Variants in NXPH1 observed in about 807,000 individuals in gnomAD.
The protein encoded by NXPH1 is neurexophilin-1.
Under a neutral mutation model 23.7 loss-of-function variants are expected in NXPH1, and 5 were observed. The observed-to-expected ratio is 0.21, with a 90% CI of 0.11 to 0.44. The LOEUF (loss-of-function observed/expected upper bound fraction) is 0.44, where lower values mean the gene tolerates loss of function less well. NXPH1 is among the 20% of genes least tolerant of loss of function. The pLI, the probability that NXPH1 is intolerant of heterozygous loss-of-function variation, is 0.99. For missense variants in NXPH1, 324 were observed against 321.6 expected, an observed-to-expected ratio of 1.01 and a Z score of -0.06; for synonymous variants, 144 against 122.2, an observed-to-expected ratio of 1.18 and a Z score of -1.18.
At chr7:8,458,353 C>T (rs960041414) in intron 2 of NXPH1, among the ~76,000 whole-genome samples, 4 of 152,196 alleles carry the variant, frequency 2.6e-5, no homozygotes, top group African/African-American at 9.7e-5. Flanking sequence ...TTGATATATA[C>T]TGGACCATAA....
intron 2 of NXPH1, among the ~76,000 whole-genome samples, chr7:8,734,609 C>G (rs1199242088): frequency 1.3e-5 from 2 of 152,058 alleles, no homozygotes; most frequent in Admixed American, 1.3e-4. Flanking sequence ...GTTTTACTTT[C>G]AAGTATGTGG....
chr7:8,636,561 T>TCAATTCCAGTGGAATGC (rs1820221670), intron 2 of NXPH1, among the ~76,000 whole-genome samples: 5 of 152,320 alleles, frequency 3.3e-5, no homozygotes, highest in South Asian at 4.1e-4. Flanking sequence ...GCAAATTGAT[T>TCAATTCCAGTGGAATGC]CAATTCCAGT....
At chr7:8,522,187 T>C (rs544106100) in intron 2 of NXPH1, among the ~76,000 whole-genome samples, 1 of 152,282 alleles carries the variant, frequency 6.6e-6, no homozygotes, top group South Asian at 2.1e-4. Context: ...GCAAGACAAG[T>C]TACAATTGAA....
chr7:8,717,911 TACACAAC>T (rs1779904299), intron 2 of NXPH1, among the ~76,000 whole-genome samples: 1 of 150,974 alleles, frequency 6.6e-6, no homozygotes, highest in Non-Finnish European at 1.5e-5. Flanking sequence ...TATATATATA[TACACAAC>T]ATGTAGATAT....
intron 2 of NXPH1, among the ~76,000 whole-genome samples, chr7:8,663,484 C>T (rs1238549992): frequency 6.6e-6 from 1 of 152,060 alleles, no homozygotes; most frequent in Non-Finnish European, 1.5e-5. Context: ...GCATTTTCAT[C>T]TAAAATTAAC....
chr7:8,685,079 T>G (rs1435820143), intron 2 of NXPH1, among the ~76,000 whole-genome samples: 1 of 152,194 alleles, frequency 6.6e-6, no homozygotes, highest in East Asian at 1.9e-4. Context: ...GCCAGTGGTC[T>G]TGGCTTCTGT....
chr7:8,694,272 C>T (rs1271176103), intron 2 of NXPH1, among the ~76,000 whole-genome samples: 1 of 152,164 alleles, frequency 6.6e-6, no homozygotes, highest in Non-Finnish European at 1.5e-5. Context: ...GATTCAGATG[C>T]CCCTATGTGC....
chr7:8,712,539 A>C (rs1779813188), intron 2 of NXPH1, among the ~76,000 whole-genome samples: 1 of 152,256 alleles, frequency 6.6e-6, no homozygotes, highest in East Asian at 1.9e-4. Flanking sequence ...TCCACTCCTC[A>C]TAAGATTTCA....
At chr7:8,452,303 T>G (rs545621430) in intron 2 of NXPH1, among the ~76,000 whole-genome samples, 1 of 152,314 alleles carries the variant, frequency 6.6e-6, no homozygotes, top group South Asian at 2.1e-4. Flanking sequence ...ATCCAGTCTT[T>G]TTGATATACT....
At chr7:8,500,998 C>G (rs147722945) in intron 2 of NXPH1, among the ~76,000 whole-genome samples, 18 of 152,172 alleles carry the variant, frequency 1.2e-4, no homozygotes, top group Admixed American at 8.5e-4. Context: ...TGGAAGAGGT[C>G]TCTAACTCAA....
chr7:8,474,895 G>A (rs142390480), intron 2 of NXPH1, among the ~76,000 whole-genome samples: 1 of 152,032 alleles, frequency 6.6e-6, no homozygotes. Context: ...GGCCATGCTG[G>A]TTGGTTCTTC....
At chr7:8,682,929 T>TGCTTC (rs1821080710) in intron 2 of NXPH1, among the ~76,000 whole-genome samples, 1 of 152,238 alleles carries the variant, frequency 6.6e-6, no homozygotes, top group Non-Finnish European at 1.5e-5. Context: ...GAGCCCTTGA[T>TGCTTC]TTCAATTCAA....
At chr7:8,541,671 T>C (rs1288721881) in intron 2 of NXPH1, among the ~76,000 whole-genome samples, 3 of 151,602 alleles carry the variant, frequency 2.0e-5, no homozygotes, top group Non-Finnish European at 4.4e-5. Context: ...CAATGTAATA[T>C]GGAGTTAAAA....
chr7:8,645,006 A>G (rs1400401670), intron 2 of NXPH1, among the ~76,000 whole-genome samples: 1 of 152,222 alleles, frequency 6.6e-6, no homozygotes, highest in Admixed American at 6.5e-5. Context: ...TGATAAATGC[A>G]GTTCTAATTT....
chr7:8,588,001 T>C (rs1305615222), intron 2 of NXPH1, among the ~76,000 whole-genome samples: 3 of 152,094 alleles, frequency 2.0e-5, no homozygotes, highest in Admixed American at 1.3e-4. Flanking sequence ...GAAAAAAAGC[T>C]CATCATCACT....
In NXPH1 at chr7:8,649,587, G is replaced by A. The variant is rs375264725; in HGVS notation, c.55-101421G>A. Among the ~76,000 whole-genome samples, 11 of 152,240 alleles carry A rather than the reference G, an allele frequency of 7.2e-5. No homozygotes were observed. In the East Asian group the frequency reaches 9.7e-4, roughly 13 times the overall value. ...ACTGATTGTGCAGCCCTTTGGAGAC[G>A]CGTTCTTTCCAGCTTTATGTGCCTA... On this transcript the variant is annotated intron_variant, in intron 2 of 2. Transcript: ENST00000405863.
intron 2 of NXPH1, among the ~76,000 whole-genome samples, chr7:8,657,331 C>T (rs999782202): frequency 4.6e-5 from 7 of 152,142 alleles, no homozygotes; most frequent in East Asian, 1.9e-4. Flanking sequence ...ATTGTCAGGG[C>T]GGTTGGATTT....
intron 2 of NXPH1, among the ~76,000 whole-genome samples, chr7:8,592,745 G>A (rs145585992): frequency 6.6e-6 from 1 of 151,872 alleles, no homozygotes; most frequent in East Asian, 1.9e-4. Context: ...TAATAAATAG[G>A]TGTGGCAGTG....
chr7:8,725,942 G>C (rs941473203), intron 2 of NXPH1, among the ~76,000 whole-genome samples: 26 of 152,156 alleles, frequency 1.7e-4, no homozygotes, highest in Non-Finnish European at 1.0e-4. Flanking sequence ...AATGACACAG[G>C]AATGTTATTC....
Sources: allele counts gnomAD v4.1 joint callset (sites outside exome capture counted in the v4.1 genomes callset), GRCh38; gene constraint gnomAD v4.1.1; transcripts MANE v1.5; gene names NCBI Gene and HGNC (gene_info 2026-07-23, HGNC 2026-07-21).